Variants in AHCTF1 observed in about 807,000 individuals in gnomAD.
AHCTF1 encodes protein ELYS.
A neutral mutation model predicts 248.4 loss-of-function variants in AHCTF1; 24 were observed. The observed-to-expected ratio is 0.10, with a 90% CI of 0.07 to 0.14. AHCTF1 has a LOEUF of 0.14. AHCTF1 is among the 10% of genes least tolerant of loss of function. The probability of loss-of-function intolerance (pLI) is 1.00; values close to 1 mark genes in which losing one functional copy is unlikely to be tolerated. For missense variants in AHCTF1, 2,206 were observed against 2,636.2 expected (o/e 0.84, Z 3.57); for synonymous variants, 786 against 929.8 (o/e 0.85, Z 2.81).
chr1:246,895,418 T>C (rs1211744700), intron 13 of AHCTF1, among the ~76,000 whole-genome samples: 1 of 152,196 alleles, frequency 6.6e-6, no homozygotes, highest in Non-Finnish European at 1.5e-5. Context: ...GGGGTGTGTG[T>C]GTGTATGTGT....
intron 27 of AHCTF1, among the ~76,000 whole-genome samples, chr1:246,863,018 C>T (rs1194730030): frequency 2.6e-5 from 4 of 152,116 alleles, no homozygotes; most frequent in African/African-American, 7.2e-5. Context: ...CATAACAATT[C>T]TTTTTTCTAG....
Position 246,849,605 on chromosome 1 carries a change from A to G in AHCTF1, c.6391+10T>C. On this transcript the variant is annotated intron_variant, in intron 33 of 35. Coordinates refer to ENST00000648844, the MANE Select transcript of AHCTF1 (RefSeq NM_001323342.2). Reference sequence around the variant, plus strand: ...AGATGAAAAACTGTTTTGCAGAGAAAGAAAAGTACCTTTTGCTTTCCTTGG... The same window carrying G: ...AGATGAAAAACTGTTTTGCAGAGAAGGAAAAGTACCTTTTGCTTTCCTTGG... The G allele has an allele frequency of 6.3e-7, 1 of 1,586,372 alleles. No individual in the cohort carries two copies. The highest frequency in any genetic ancestry group is 8.6e-7 in the Non-Finnish European group (1 of 1,166,302).
chr1:246,846,404 G>A (rs1660261824), intron 33 of AHCTF1, among the ~76,000 whole-genome samples: 1 of 151,870 alleles, frequency 6.6e-6, no homozygotes, highest in African/African-American at 2.4e-5. Flanking sequence ...TCATTGCTTT[G>A]TTAAAGGAGT....
At chr1:246,886,144 A>T (rs1051604386) in intron 20 of AHCTF1, among the ~76,000 whole-genome samples, 3 of 152,162 alleles carry the variant, frequency 2.0e-5, no homozygotes, top group African/African-American at 7.2e-5. Flanking sequence ...CAGCCTGGTC[A>T]ACATGGTGAA....
At chr1:246,918,167 A>T in intron 2 of AHCTF1, 83 bp downstream of exon 2, 4 of 1,257,352 alleles carry the variant, frequency 3.2e-6, no homozygotes, top group African/African-American at 1.6e-5. Context: ...CTTCTTCCAC[A>T]TAAAGAAACT....
chr1:246,905,779 T>C lies in AHCTF1; in HGVS notation c.765-122A>G, dbSNP rs561878959. On this transcript the variant is annotated intron_variant, in intron 5 of 35. Transcript: ENST00000648844. ...ACACTTCCCCAGAATAAGTGATCTGTGGGCCATGGCCAAGTCATCTTATCT... is the reference window on the plus strand; with the variant it reads ...ACACTTCCCCAGAATAAGTGATCTGCGGGCCATGGCCAAGTCATCTTATCT... 13 of 705,574 alleles carry C rather than the reference T, an allele frequency of 1.8e-5. No homozygotes were observed. The South Asian group carries it at 2.2e-4, about 12-fold the overall frequency. The allele number at this position is 705,574 out of a possible 1,614,324, so 43.7% of individuals were successfully genotyped here.
At chr1:246,929,789 C>G (rs146653142) in intron 1 of AHCTF1, among the ~76,000 whole-genome samples, 11 of 152,208 alleles carry the variant, frequency 7.2e-5, no homozygotes, top group Non-Finnish European at 1.3e-4. Flanking sequence ...CGCGGTGGCT[C>G]ACGCCTGTAA....
chr1:246,915,231 A>G (rs1481852811), intron 3 of AHCTF1, among the ~76,000 whole-genome samples: 1 of 152,064 alleles, frequency 6.6e-6, no homozygotes, highest in Non-Finnish European at 1.5e-5. Flanking sequence ...TCAGGAGGCT[A>G]AGGCAGGAGA....
At chr1:246,887,503 G>A in intron 19 of AHCTF1, 146 bp from the exon 20 acceptor site, 1 of 760,310 alleles carries the variant, frequency 1.3e-6, no homozygotes. Flanking sequence ...TGGAGAGTCA[G>A]CAATGAGAAG....
intron 33 of AHCTF1, among the ~76,000 whole-genome samples, chr1:246,847,107 C>T (rs150104510): frequency 0.19 from 28,724 of 151,802 alleles, 4,305 homozygotes; most frequent in African/African-American, 0.42. Flanking sequence ...GCCAACATGG[C>T]GAAACCCTGT....
rs555626225 is a variant in AHCTF1, at chr1:246,909,317, T to TGAGGCAGAAGAATCACCTGAACCCAG, written c.557-1585_557-1560dup. ...CTGTAGTCCCAGCTACTTGGGAGGCTGAGGCAGAAGAATCACCTGAACCCA... is the reference window on the plus strand; with the variant it reads ...CTGTAGTCCCAGCTACTTGGGAGGCTGAGGCAGAAGAATCACCTGAACCCAGGAGGCAGAAGAATCACCTGAACCCA... On this transcript the variant is annotated intron_variant, in intron 4 of 35. Coordinates refer to ENST00000648844, the MANE Select transcript of AHCTF1 (RefSeq NM_001323342.2). Among the ~76,000 whole-genome samples the TGAGGCAGAAGAATCACCTGAACCCAG allele has an allele frequency of 5.5e-3, 740 of 134,684 alleles. 15 individuals carry two copies. The highest frequency in any genetic ancestry group is 0.048 in the Admixed American group (534 of 11,202). 88.4% of individuals were successfully genotyped at this position (134,684 alleles called of 152,430 possible). A position where few individuals can be genotyped will look rare whatever the true frequency, so the allele number is the denominator to read the frequency against.
At chr1:246,883,719 T>C (rs1663618841) in intron 21 of AHCTF1, among the ~76,000 whole-genome samples, 2 of 152,356 alleles carry the variant, frequency 1.3e-5, no homozygotes, top group South Asian at 4.1e-4. Context: ...AATAGCATTT[T>C]GAGTGGTTGT....
Position 246,862,055 on chromosome 1 carries a change from T to C in AHCTF1, c.3639A>G (p.Ala1213=), listed in dbSNP as rs748420187. The C allele has an allele frequency of 9.9e-6, 16 of 1,611,962 alleles. No individual in the cohort carries two copies. The highest frequency in any genetic ancestry group is 1.3e-5 in the Non-Finnish European group (15 of 1,178,040). The change falls in exon 28 of 36, where the codon GCA becomes GCG. Residue 1213 remains alanine (A), a synonymous_variant. Transcript: ENST00000648844. ...ACCTTCCAGGTGATGGAGAGGGAGA[T>C]GCTAAAGGTGTTGATCGAAGAGTAG... ...LRSTLRSTPL[A]SPSPSPGRSP...
Position 246,900,045 on chromosome 1 carries a change from A to C in AHCTF1, c.1432+20T>G. On this transcript the variant is annotated intron_variant, in intron 10 of 35. Transcript: ENST00000648844. ...TTGTGCATTACTTTTCTTAAGAGGTAATGTTAAGGAAATACATACCAAAAT... is the reference window on the plus strand; with the variant it reads ...TTGTGCATTACTTTTCTTAAGAGGTCATGTTAAGGAAATACATACCAAAAT... The C allele has an allele frequency of 1.9e-6, 3 of 1,585,188 alleles. No individual in the cohort carries two copies. The highest frequency in any genetic ancestry group is 2.3e-5 in the South Asian group (2 of 86,358).
At chr1:246,881,493 G>C (rs1247757494) in intron 21 of AHCTF1, among the ~76,000 whole-genome samples, 1 of 152,138 alleles carries the variant, frequency 6.6e-6, no homozygotes, top group Non-Finnish European at 1.5e-5. Flanking sequence ...AATACATTGA[G>C]TACTTATCAG....
At chr1:246,879,673 C>T (rs1007311643) in intron 21 of AHCTF1, among the ~76,000 whole-genome samples, 1 of 151,908 alleles carries the variant, frequency 6.6e-6, no homozygotes, top group Non-Finnish European at 1.5e-5. Context: ...ACTAAGAATA[C>T]AAAAATTAGC....
intron 4 of AHCTF1, among the ~76,000 whole-genome samples, chr1:246,912,481 C>CAA: frequency 6.8e-6 from 1 of 147,304 alleles, no homozygotes; most frequent in Non-Finnish European, 1.5e-5. Flanking sequence ...GACGCCGTCT[C>CAA]CAAAAAAAAA....
chr1:246,854,086 T>A (rs2103050300), intron 31 of AHCTF1, among the ~76,000 whole-genome samples: 1 of 152,100 alleles, frequency 6.6e-6, no homozygotes, highest in African/African-American at 2.4e-5. Flanking sequence ...GATCATGAGG[T>A]CAGGAGATCG....
At chr1:246,901,680 T>C (rs1014685324) in intron 8 of AHCTF1, among the ~76,000 whole-genome samples, 1 of 151,126 alleles carries the variant, frequency 6.6e-6, no homozygotes, top group Non-Finnish European at 1.5e-5. Context: ...TAGCCAGGTG[T>C]GGTGGTGTGT....
Sources: allele counts gnomAD v4.1 joint callset (sites outside exome capture counted in the v4.1 genomes callset), GRCh38; gene constraint gnomAD v4.1.1; transcripts MANE v1.5; gene names NCBI Gene and HGNC (gene_info 2026-07-23, HGNC 2026-07-21).